Variants in AKAP13 observed in about 807,000 individuals in gnomAD.
AKAP13 encodes A-kinase anchoring protein 13, also known as A-kinase anchor protein 13.
Under a neutral mutation model 264.5 loss-of-function variants are expected in AKAP13, and 80 were observed. The ratio of observed to expected loss-of-function variants is 0.30; its 90% CI spans 0.25 to 0.36. The LOEUF (loss-of-function observed/expected upper bound fraction) is 0.36, where lower values mean the gene tolerates loss of function less well. Among genes scored for constraint, AKAP13 ranks in the 10% least tolerant of loss-of-function variants. AKAP13 has a pLI of 1.00. For synonymous variants in AKAP13, 1,380 were observed against 1,250.2 expected (o/e 1.10, Z -2.19); for missense variants, 3,712 against 3,435.2 (o/e 1.08, Z -2.01).
intron 12 of AKAP13, among the ~76,000 whole-genome samples, chr15:85,662,985 T>G (rs1007979119): frequency 6.6e-6 from 1 of 152,202 alleles, no homozygotes; most frequent in African/African-American, 2.4e-5. Context: ...TCTTCTTCAC[T>G]TAGCCCCTCC....
chr15:85,500,606 C>T (rs1353038671), intron 2 of AKAP13, among the ~76,000 whole-genome samples: 2 of 152,238 alleles, frequency 1.3e-5, no homozygotes, highest in East Asian at 3.9e-4. Flanking sequence ...GGAGGATACA[C>T]GAATTTATTG....
intron 8 of AKAP13, among the ~76,000 whole-genome samples, chr15:85,589,418 G>A (rs879268142): frequency 4.6e-5 from 7 of 151,850 alleles, no homozygotes; most frequent in Admixed American, 6.6e-5. Context: ...GTCATGTGTC[G>A]TGAAATATTA....
chr15:85,425,857 T>C (rs2072753043), intron 1 of AKAP13, among the ~76,000 whole-genome samples: 1 of 152,154 alleles, frequency 6.6e-6, no homozygotes, highest in Admixed American at 6.5e-5. Flanking sequence ...GATGAGGTTT[T>C]TGGTTTTTAA....
At position 85,743,453 on chromosome 15, in the gene AKAP13, C is replaced by G. The variant is rs774847085; in HGVS notation, c.8059-39C>G. ...ATTGAGTTGGCATCACGGACGCTGACAGCCTCCAAGTGAAAACCCTTCTCT... is the reference window on the plus strand; with the variant it reads ...ATTGAGTTGGCATCACGGACGCTGAGAGCCTCCAAGTGAAAACCCTTCTCT... On this transcript the variant is annotated intron_variant, in intron 35 of 36. Coordinates refer to ENST00000394518, the MANE Select transcript of AKAP13 (RefSeq NM_007200.5). 6 of 1,587,630 alleles carry G rather than the reference C, an allele frequency of 3.8e-6. No homozygotes were observed. The East Asian group carries it at 1.1e-4, about 30-fold the overall frequency.
rs1041095621 is a variant in AKAP13, at chr15:85,726,906, G to T, written c.6823-160G>T. ...TTGAAATCTTTTTTTGTTAAAATCT[G>T]AATGAAATAAGGAGATACTTCTCTT... On this transcript the variant is annotated intron_variant, in intron 27 of 36. Transcript: ENST00000394518. The T allele has an allele frequency of 6.8e-6, 5 of 732,150 alleles. No homozygotes were observed. The East Asian group carries it at 1.4e-4, about 20-fold the overall frequency. The allele number at this position is 732,150 out of a possible 1,614,324, so 45.4% of individuals were successfully genotyped here.
intron 8 of AKAP13, among the ~76,000 whole-genome samples, chr15:85,622,077 A>C (rs769250483): frequency 6.6e-6 from 1 of 152,198 alleles, no homozygotes; most frequent in Non-Finnish European, 1.5e-5. Context: ...ATCTTTGAGA[A>C]CTATAAACTC....
chr15:85,506,110 A>C (rs1043336163), intron 2 of AKAP13, among the ~76,000 whole-genome samples: 2 of 152,158 alleles, frequency 1.3e-5, no homozygotes, highest in African/African-American at 4.8e-5. Flanking sequence ...CAGTCTGGCC[A>C]ACATGGTGAA....
chr15:85,740,360 C>A, intron 34 of AKAP13, 88 bp downstream of exon 34: 1 of 1,502,390 alleles, frequency 6.7e-7, no homozygotes, highest in Non-Finnish European at 9.2e-7. Context: ...TTGAGGTTTG[C>A]AGGATGTTTA....
chr15:85,726,480 A>T lies in AKAP13; in HGVS notation c.6816A>T (p.Ala2272=), dbSNP rs774354821. The change falls in exon 27 of 37, where the codon GCA becomes GCT. Residue 2272 remains alanine (A), a synonymous_variant. Transcript: ENST00000394518. ...LQEKDQKYIF[A]SLDQKSTVIS... is the part of the protein sequence containing the mutation. ...AAAAAGACCAGAAGTACATCTTTGC[A>T]TCATTGGTAAGCTGAATTGTTATTT... is the stretch of plus-strand genomic sequence containing the variant. 3.1e-6 allele frequency: 5 copies of T among 1,611,100 alleles called. No individual in the cohort carries two copies. In the Admixed American group the frequency reaches 8.3e-5, roughly 27 times the overall value.
At chr15:85,439,584 T>TGATAGACTG (rs1425939088) in intron 1 of AKAP13, among the ~76,000 whole-genome samples, 9 of 144,752 alleles carry the variant, frequency 6.2e-5, no homozygotes, top group Non-Finnish European at 1.4e-4. Context: ...TGTCCAACAA[T>TGATAGACTG]GATAGACTGG....
intron 10 of AKAP13, among the ~76,000 whole-genome samples, chr15:85,651,985 A>G (rs2082875628): frequency 6.6e-6 from 1 of 152,214 alleles, no homozygotes; most frequent in Non-Finnish European, 1.5e-5. Flanking sequence ...TTTTTCAAGT[A>G]ATAACCACCA....
At chr15:85,635,389 T>C (rs1413686426) in intron 8 of AKAP13, among the ~76,000 whole-genome samples, 1 of 152,208 alleles carries the variant, frequency 6.6e-6, no homozygotes, top group Admixed American at 6.5e-5. Flanking sequence ...TCAAATCTTT[T>C]ACCCATTTAA....
chr15:85,404,668 C>G (rs1415361319), intron 1 of AKAP13, among the ~76,000 whole-genome samples: 1 of 152,200 alleles, frequency 6.6e-6, no homozygotes, highest in Admixed American at 6.5e-5. Flanking sequence ...CACACTGTTT[C>G]CTATCCTGGT....
rs72758677 is a variant in AKAP13 at position 85,573,203 on chromosome 15, A to G, written c.663-1928A>G. ...TTAGTTTCTTCTATTTCAAAACATG[A>G]TAATGATCTCAAATATAACCTTCCT... On this transcript the variant is annotated intron_variant, in intron 5 of 36. Transcript: ENST00000394518. Among the ~76,000 whole-genome samples, 1,075 of 152,310 alleles carry G rather than the reference A, an allele frequency of 7.1e-3. 20 individuals are homozygous for G. The highest frequency in any genetic ancestry group is 0.01 in the Middle Eastern group (3 of 294).
At chr15:85,679,247 A>C (rs1179998100) in intron 14 of AKAP13, among the ~76,000 whole-genome samples, 2 of 151,640 alleles carry the variant, frequency 1.3e-5, no homozygotes, top group Non-Finnish European at 1.5e-5. Context: ...CTCAAAAAAA[A>C]AACAACAACA....
At chr15:85,667,203 G>A (rs777184765) in intron 13 of AKAP13, among the ~76,000 whole-genome samples, 1 of 152,172 alleles carries the variant, frequency 6.6e-6, no homozygotes, top group Non-Finnish European at 1.5e-5. Context: ...GCACTAACAT[G>A]ACCAAATATA....
At chr15:85,612,086 A>C (rs1243452221) in intron 8 of AKAP13, among the ~76,000 whole-genome samples, 1 of 152,206 alleles carries the variant, frequency 6.6e-6, no homozygotes, top group African/African-American at 2.4e-5. Context: ...AGCTTATTGA[A>C]GATTTAGGGC....
chr15:85,504,795 T>G (rs2076158302), intron 2 of AKAP13, among the ~76,000 whole-genome samples: 1 of 152,068 alleles, frequency 6.6e-6, no homozygotes, highest in South Asian at 2.1e-4. Flanking sequence ...TTGACCTAAT[T>G]AATAATTCTA....
rs1596662000 is a variant in AKAP13, at chr15:85,600,127, G to T, written c.4161+14304G>T. 2.0e-5 allele frequency among the ~76,000 whole-genome samples: 3 copies of T among 152,110 alleles called. No individual in the cohort carries two copies. In the East Asian group the frequency reaches 5.8e-4, roughly 29 times the overall value. ...GGTGAAGGAGACCTTTAATGTGGGG[G>T]TTGGGGAAGCAAAAGGATAACTAAA... On this transcript the variant is annotated intron_variant, in intron 8 of 36. Transcript: ENST00000394518.
Sources: allele counts gnomAD v4.1 joint callset (sites outside exome capture counted in the v4.1 genomes callset), GRCh38; gene constraint gnomAD v4.1.1; transcripts MANE v1.5; gene names NCBI Gene and HGNC (gene_info 2026-07-23, HGNC 2026-07-21).